ATP11C: variants seen among roughly 807,000 people sequenced by gnomAD.
ATP11C encodes phospholipid-transporting ATPase IG.
ATP11C carries 36 observed loss-of-function variants against 97.4 expected under a neutral mutation model. The ratio of observed to expected loss-of-function variants is 0.37; its 90% CI spans 0.28 to 0.49. The LOEUF is 0.49. ATP11C is among the 20% of genes least tolerant of loss of function. The pLI, the probability that ATP11C is intolerant of heterozygous loss-of-function variation, is 0.98. For missense variants in ATP11C, 730 were observed against 824.6 expected, an observed-to-expected ratio of 0.89 and a Z score of 1.40; for synonymous variants, 275 against 290.9, an observed-to-expected ratio of 0.95 and a Z score of 0.56.
rs1374822207 is a variant in ATP11C at position 139,783,146 on chromosome X, G to GA, written c.1770+17dup. 2 of 1,071,727 alleles carry GA rather than the reference G, an allele frequency of 1.9e-6. No homozygotes were observed. Among genetic ancestry groups the GA allele is most frequent in the Non-Finnish European group, 2.6e-6 (2 of 779,773 alleles). 88.3% of individuals were successfully genotyped at this position (1,071,727 alleles called of 1,213,427 possible). On this transcript the variant is annotated intron_variant, in intron 17 of 29. Transcript: ENST00000682941. ...TTTCTCTGCTTACTTATTGGTGGGG[G>GA]AAGGAGTATAGGCTCACCATTGCAT...
intron 27 of ATP11C, among the ~76,000 whole-genome samples, chrX:139,738,924 T>C (rs2081500238): frequency 9.0e-6 from 1 of 111,538 alleles, no homozygotes; most frequent in South Asian, 3.8e-4. Flanking sequence ...GTTTATTAGA[T>C]GACACATCAT....
At position 139,838,457 on chromosome X, in the gene ATP11C, T is replaced by C. The variant is rs555592853; in HGVS notation, c.28-11634A>G. 1.4e-3 allele frequency among the ~76,000 whole-genome samples: 151 copies of C among 111,335 alleles called. 2 individuals carry two copies. The South Asian group carries it at 0.055, about 41-fold the overall frequency. On this transcript the variant is annotated intron_variant, in intron 1 of 29. Coordinates refer to ENST00000682941, the MANE Select transcript of ATP11C (RefSeq NM_001353812.2). ...AAGTGTTGACAAGGATGTGGAGTAATTGGAACCCTCATACATTGCTGGTGG... is the reference window on the plus strand; with the variant it reads ...AAGTGTTGACAAGGATGTGGAGTAACTGGAACCCTCATACATTGCTGGTGG...
At chrX:139,872,775 T>C (rs2084400072) in intron 1 of ATP11C, among the ~76,000 whole-genome samples, 1 of 112,187 alleles carries the variant, frequency 8.9e-6, no homozygotes, top group Non-Finnish European at 1.9e-5. Flanking sequence ...TAATATGTAT[T>C]GCTTTGCTCT....
At chrX:139,884,860 C>A (rs1199361046) in intron 1 of ATP11C, among the ~76,000 whole-genome samples, 3 of 111,746 alleles carry the variant, frequency 2.7e-5, no homozygotes, top group African/African-American at 9.8e-5. Flanking sequence ...GGTAGGAAAT[C>A]AATAATGATG....
chrX:139,910,822 A>AT (rs1204189494), intron 1 of ATP11C, among the ~76,000 whole-genome samples: 1 of 109,323 alleles, frequency 9.1e-6, no homozygotes, highest in Non-Finnish European at 1.9e-5. Flanking sequence ...CAGATACATG[A>AT]TAAAAAAAAA....
intron 20 of ATP11C, among the ~76,000 whole-genome samples, chrX:139,765,384 A>C (rs1485854929): frequency 1.8e-5 from 2 of 112,093 alleles, no homozygotes; most frequent in Admixed American, 9.5e-5. Flanking sequence ...TCATGAGTAC[A>C]AGAATATTAG....
At chrX:139,847,110 C>T (rs777446087) in intron 1 of ATP11C, among the ~76,000 whole-genome samples, 3 of 110,894 alleles carry the variant, frequency 2.7e-5, no homozygotes, top group Non-Finnish European at 5.7e-5. Context: ...CTGGGCCAGG[C>T]GCAGTGGCTC....
chrX:139,854,646 T>C (rs1188151573), intron 1 of ATP11C, among the ~76,000 whole-genome samples: 4 of 112,529 alleles, frequency 3.6e-5, no homozygotes, highest in Non-Finnish European at 7.5e-5. Flanking sequence ...GCAAGAAATG[T>C]TGTATAATTT....
At chrX:139,816,525 T>TA (rs1288304189) in intron 4 of ATP11C, among the ~76,000 whole-genome samples, 4 of 111,945 alleles carry the variant, frequency 3.6e-5, no homozygotes, top group Admixed American at 1.9e-4. Context: ...AAGCAATTTT[T>TA]AAAAATCCAC....
chrX:139,738,895 G>A (rs777944546), intron 27 of ATP11C, among the ~76,000 whole-genome samples: 56 of 111,058 alleles, frequency 5.0e-4, no homozygotes, highest in African/African-American at 1.6e-3. Flanking sequence ...AGAGCTCCAG[G>A]TAGATAACCA....
At position 139,788,290 on chromosome X, in the gene ATP11C, G is replaced by T; in HGVS notation, c.1422C>A (p.Ile474=). The change falls in exon 14 of 30, where the codon ATC becomes ATA. Residue 474 remains isoleucine (I), a synonymous_variant. Coordinates refer to ENST00000682941, the MANE Select transcript of ATP11C (RefSeq NM_001353812.2). The part of the protein sequence containing the change: ...RALCLCHTVE[I]KTNDAVDGAT... The stretch of plus-strand genomic sequence containing the variant: ...CTCCATCAACAGCATCGTTTGTTTT[G>T]ATTTCTACAGTATGACATAAACACA... The T allele has an allele frequency of 8.3e-7, 1 of 1,207,431 alleles. No homozygotes were observed. The highest frequency in any genetic ancestry group is 1.1e-6 in the Non-Finnish European group (1 of 892,068).
chrX:139,787,273 G>T, intron 14 of ATP11C, 29 bp from the exon 15 acceptor site: 1 of 1,102,232 alleles, frequency 9.1e-7, no homozygotes, highest in Non-Finnish European at 1.2e-6. Context: ...AAGACCTTGT[G>T]TATCTCTAAA....
In ATP11C at chrX:139,785,210, C is replaced by G. The variant is rs2082547679; in HGVS notation, c.1666+16G>C. 5 of 1,172,888 alleles carry G rather than the reference C, an allele frequency of 4.3e-6. No homozygotes were observed. Among genetic ancestry groups the G allele is most frequent in the Non-Finnish European group, 5.7e-6 (5 of 872,021 alleles). On this transcript the variant is annotated intron_variant, in intron 16 of 29. Transcript: ENST00000682941. ...AAATCAACAAAGAGAAAAATTCAAGCTTTTCAGACATGTACCTTCTTGAGT... is the reference window on the plus strand; with the variant it reads ...AAATCAACAAAGAGAAAAATTCAAGGTTTTCAGACATGTACCTTCTTGAGT...
chrX:139,835,452 T>C (rs941594666), intron 1 of ATP11C, among the ~76,000 whole-genome samples: 20 of 110,855 alleles, frequency 1.8e-4, no homozygotes, highest in African/African-American at 6.6e-4. Context: ...TCACCCAGGC[T>C]GGACTGCAAT....
intron 1 of ATP11C, among the ~76,000 whole-genome samples, chrX:139,851,373 G>C (rs1008860703): frequency 1.8e-5 from 2 of 112,163 alleles, no homozygotes; most frequent in Admixed American, 1.9e-4. Context: ...AGTTGTGGGG[G>C]CATAGCTAAC....
rs1222355547 is a variant in ATP11C at position 139,904,117 on chromosome X, C to T, written c.27+27899G>A. 9.8e-5 allele frequency among the ~76,000 whole-genome samples: 11 copies of T among 112,361 alleles called. No individual in the cohort carries two copies. In the East Asian group the frequency reaches 2.8e-3, roughly 28 times the overall value. On this transcript the variant is annotated intron_variant, in intron 1 of 29. Transcript: ENST00000682941. Reference sequence around the variant, plus strand: ...TAAACAAAATTCAAAACTAAATTTACATAATTTGTGAATTTTCTGCTTTTT... The same window carrying T: ...TAAACAAAATTCAAAACTAAATTTATATAATTTGTGAATTTTCTGCTTTTT...
intron 5 of ATP11C, among the ~76,000 whole-genome samples, chrX:139,813,891 AC>A (rs1479476661): frequency 9.9e-5 from 11 of 111,142 alleles, no homozygotes; most frequent in African/African-American, 3.6e-4. Flanking sequence ...ATTTAACAAA[AC>A]CCACAGAATG....
intron 1 of ATP11C, among the ~76,000 whole-genome samples, chrX:139,925,430 C>T (rs1356081153): frequency 1.4e-4 from 3 of 21,518 alleles, no homozygotes; most frequent in East Asian, 4.5e-3. Context: ...GGATTACAGG[C>T]CTGTGCTACC....
intron 1 of ATP11C, chrX:139,832,350 G>A (rs1368352653): frequency 2.8e-6 from 3 of 1,053,069 alleles, no homozygotes; most frequent in Non-Finnish European, 3.7e-6. Flanking sequence ...ACTTCCATGG[G>A]AGGCAGCAAA....
Sources: gnomAD v4.1 joint callset for allele counts (sites outside exome capture counted in the v4.1 genomes callset) on GRCh38, gnomAD v4.1.1 for gene constraint, MANE v1.5 for transcripts, NCBI Gene and HGNC (gene_info 2026-07-23, HGNC 2026-07-21) for gene names.